The following GATA4 variants were observed in gnomAD, a reference collection of about 807,000 sequenced individuals.
GATA4 encodes the protein transcription factor GATA-4.
A neutral mutation model predicts 37.9 loss-of-function variants in GATA4; 7 were observed. The ratio of observed to expected loss-of-function variants is 0.18; its 90% CI spans 0.11 to 0.35. The LOEUF is 0.35. Among genes scored for constraint, GATA4 ranks in the 10% least tolerant of loss-of-function variants. The pLI is 1.00. For synonymous variants in GATA4, 372 were observed against 292.6 expected, an observed-to-expected ratio of 1.27 and a Z score of -2.77; for missense variants, 647 against 653.0, an observed-to-expected ratio of 0.99 and a Z score of 0.10.
At chr8:11,741,531 A>G (rs777664709) in intron 2 of GATA4, among the ~76,000 whole-genome samples, 3 of 152,150 alleles carry the variant, frequency 2.0e-5, no homozygotes, top group Non-Finnish European at 2.9e-5. Context: ...ACAGTCCACA[A>G]GTTCGCGGAC....
At chr8:11,692,125 G>A, upstream of GATA4, 5 of 812,316 alleles carry the variant, frequency 6.2e-6, no homozygotes, top group Non-Finnish European at 7.4e-6. Flanking sequence ...CGGGCCACCT[G>A]TTCTCCAGCC....
chr8:11,722,448 C>T (rs1177369834), intron 2 of GATA4, among the ~76,000 whole-genome samples: 3 of 152,222 alleles, frequency 2.0e-5, no homozygotes, highest in Non-Finnish European at 4.4e-5. Flanking sequence ...AATATCCAGT[C>T]ACTGTTCAAT....
intron 1 of GATA4, among the ~76,000 whole-genome samples, chr8:11,681,845 T>A (rs1798983964): frequency 6.6e-6 from 1 of 152,206 alleles, no homozygotes; most frequent in African/African-American, 2.4e-5. Context: ...CCGGCTGATG[T>A]AAGGACTGCA....
chr8:11,745,954 C>G (rs1193239373), intron 2 of GATA4, among the ~76,000 whole-genome samples: 2 of 152,042 alleles, frequency 1.3e-5, no homozygotes, highest in Non-Finnish European at 2.9e-5. Flanking sequence ...ATATTCTGTC[C>G]CCTTCTGAAT....
intron 2 of GATA4, among the ~76,000 whole-genome samples, chr8:11,734,802 T>A (rs1253241752): frequency 6.6e-6 from 1 of 152,142 alleles, no homozygotes; most frequent in Non-Finnish European, 1.5e-5. Context: ...TGTCTCTTCT[T>A]ATAAGGGTAC....
chr8:11,717,910 G>A (rs1800509047), intron 2 of GATA4, among the ~76,000 whole-genome samples: 1 of 152,222 alleles, frequency 6.6e-6, no homozygotes. Context: ...AGACTTCCCA[G>A]GATTCAGACC....
At chr8:11,703,943 C>G (rs1202158257), upstream of GATA4, among the ~76,000 whole-genome samples, 1 of 152,248 alleles carries the variant, frequency 6.6e-6, no homozygotes, top group Non-Finnish European at 1.5e-5. Context: ...ACCCTGGGCA[C>G]CACAGCGAAC....
chr8:11,755,554 T>C (rs1388978345), intron 5 of GATA4, among the ~76,000 whole-genome samples: 1 of 152,234 alleles, frequency 6.6e-6, no homozygotes, highest in Non-Finnish European at 1.5e-5. Context: ...CAGATTGATC[T>C]CTAAGCCAAT....
At chr8:11,723,959 A>C (rs2130161921) in intron 2 of GATA4, among the ~76,000 whole-genome samples, 1 of 152,268 alleles carries the variant, frequency 6.6e-6, no homozygotes, top group South Asian at 2.1e-4. Flanking sequence ...TGTACCCATT[A>C]AATAACGTCT....
rs1292793519 is a variant in GATA4, at chr8:11,758,510, C to G, written c.*35C>G. 2 of 1,610,016 alleles carry G rather than the reference C, an allele frequency of 1.2e-6. No homozygotes were observed. Among genetic ancestry groups the G allele is most frequent in the Non-Finnish European group, 8.5e-7 (1 of 1,176,320 alleles). On this transcript the variant is annotated 3_prime_UTR_variant, in exon 7 of 7. Transcript: ENST00000532059. ...TTCCCTCCTCAAATTCCTGCACGGACCTGGGACTTGGAGGATAGCAAAGAA... is the reference window on the plus strand; with the variant it reads ...TTCCCTCCTCAAATTCCTGCACGGAGCTGGGACTTGGAGGATAGCAAAGAA...
At position 11,708,517 on chromosome 8, in the gene GATA4, G is replaced by A. The variant is rs1326304521; in HGVS notation, c.205G>A (p.Gly69Ser). 5 of 1,468,460 alleles carry A rather than the reference G, an allele frequency of 3.4e-6. No homozygotes were observed. Among genetic ancestry groups the A allele is most frequent in the Admixed American group, 4.8e-5 (2 of 41,358 alleles). 91.0% of individuals were successfully genotyped at this position (1,468,460 alleles called of 1,614,324 possible). The change falls in exon 2 of 7, where the codon GGC becomes AGC. Residue 69 changes from glycine to serine, a missense_variant. By Grantham distance (56) the Gly-to-Ser change is moderately conservative. Transcript: ENST00000532059. This position sits in a 1 kb window ranked among gnomAD's most constrained non-coding sequence, Gnocchi z 6.7. ...CTCTGCGTCCGGAGGCGCCTCGGGC[G>A]GCAGCTCCGGTGGGGCCGCGTCTGG... Reference protein sequence around the residue: ...AGSASGGASGGSSGGAASGAG... With the variant: ...AGSASGGASGSSSGGAASGAG...
At chr8:11,693,894 C>T (rs1274992368) in intron 1 of GATA4, among the ~76,000 whole-genome samples, 1 of 152,192 alleles carries the variant, frequency 6.6e-6, no homozygotes, top group Non-Finnish European at 1.5e-5. Flanking sequence ...TCCCCCAACT[C>T]AGGCCACAGC....
intron 1 of GATA4, among the ~76,000 whole-genome samples, chr8:11,677,331 G>A (rs1798817157): frequency 6.6e-6 from 1 of 152,182 alleles, no homozygotes; most frequent in Non-Finnish European, 1.5e-5. Context: ...CTTTCTTTCT[G>A]TGTCCCTCCT....
chr8:11,753,352 G>C (rs967194592), intron 4 of GATA4, among the ~76,000 whole-genome samples: 3 of 152,122 alleles, frequency 2.0e-5, no homozygotes, highest in African/African-American at 7.2e-5. Context: ...TATGGAGTTT[G>C]AGTTTTGCAA....
At chr8:11,720,006 G>A (rs901615467) in intron 2 of GATA4, among the ~76,000 whole-genome samples, 2 of 152,116 alleles carry the variant, frequency 1.3e-5, no homozygotes, top group Admixed American at 6.5e-5. Context: ...TTGCAGCGCT[G>A]AAATCTGCTA....
At chr8:11,723,787 T>A (rs1284455818) in intron 2 of GATA4, among the ~76,000 whole-genome samples, 1 of 152,226 alleles carries the variant, frequency 6.6e-6, no homozygotes, top group Non-Finnish European at 1.5e-5. Flanking sequence ...CTTGCTTCAT[T>A]CATCTTTTTA....
intron 2 of GATA4, among the ~76,000 whole-genome samples, chr8:11,743,369 A>C (rs1183594854): frequency 6.6e-6 from 1 of 152,276 alleles, no homozygotes; most frequent in Non-Finnish European, 1.5e-5. Context: ...GAGACCCATC[A>C]ACTCTGCCTC....
Position 11,742,347 on chromosome 8 carries a change from C to G in GATA4, c.617-6569C>G, listed in dbSNP as rs554374409. On this transcript the variant is annotated intron_variant, in intron 2 of 6. Transcript: ENST00000532059. ...AACCTCTTCCTCCTCTATCTCTCTA[C>G]GTTCCCCCCTCCCTCCGTTCTTGTT... is the stretch of plus-strand genomic sequence containing the variant. 3.2e-3 allele frequency among the ~76,000 whole-genome samples: 487 copies of G among 151,604 alleles called. 1 individual carries two copies. Among genetic ancestry groups the G allele is most frequent in the African/African-American group, 0.011 (472 of 41,336 alleles).
intron 2 of GATA4, among the ~76,000 whole-genome samples, chr8:11,735,813 G>T (rs142551390): frequency 6.6e-6 from 1 of 152,140 alleles, no homozygotes; most frequent in African/African-American, 2.4e-5. Context: ...CGCCCGCCTC[G>T]GCCTCCCAAA....
Sources: gnomAD v4.1 joint callset for allele counts (sites outside exome capture counted in the v4.1 genomes callset) on GRCh38, gnomAD v4.1.1 for gene constraint, Gnocchi (gnomAD v3.1) non-coding constraint, MANE v1.5 for transcripts, NCBI Gene and HGNC (gene_info 2026-07-23, HGNC 2026-07-21) for gene names.